The following SDK1 variants were observed in gnomAD, a reference collection of about 807,000 sequenced individuals.
The protein encoded by SDK1 is sidekick cell adhesion molecule 1.
SDK1 carries 157 observed loss-of-function variants against 245.5 expected under a neutral mutation model. The ratio of observed to expected loss-of-function variants is 0.64; its 90% CI spans 0.56 to 0.73. SDK1 has a LOEUF of 0.73. Among genes scored for constraint, SDK1 ranks in the 30% least tolerant of loss-of-function variants. The pLI is 0.00. For missense variants in SDK1, 3,583 were observed against 3,002.3 expected (o/e 1.19, Z -4.52); for synonymous variants, 1,647 against 1,278.5 (o/e 1.29, Z -6.15).
chr7:3,460,741 T>C (rs1447665756), intron 1 of SDK1, among the ~76,000 whole-genome samples: 5 of 152,250 alleles, frequency 3.3e-5, no homozygotes, highest in Middle Eastern at 3.4e-3. Flanking sequence ...TAAAAACTTA[T>C]TTTGGGGCTA....
At chr7:4,050,960 A>G (rs1789413811) in intron 18 of SDK1, among the ~76,000 whole-genome samples, 1 of 141,728 alleles carries the variant, frequency 7.1e-6, no homozygotes, top group Non-Finnish European at 1.5e-5. Flanking sequence ...TATTATATAT[A>G]CTATATATGT....
intron 1 of SDK1, among the ~76,000 whole-genome samples, chr7:3,392,151 G>A (rs182510884): frequency 1.1e-4 from 17 of 152,008 alleles, no homozygotes; most frequent in Admixed American, 3.3e-4. Context: ...GTAACTGAAC[G>A]CTTAAAACCT....
chr7:4,163,688 C>T (rs879263361), intron 32 of SDK1, among the ~76,000 whole-genome samples: 67 of 152,130 alleles, frequency 4.4e-4, no homozygotes, highest in African/African-American at 1.6e-3. Flanking sequence ...GTGAGCAGCG[C>T]CAGCCGCAGC....
intron 1 of SDK1, among the ~76,000 whole-genome samples, chr7:3,594,540 T>G (rs933848557): frequency 2.0e-5 from 3 of 152,186 alleles, no homozygotes; most frequent in Non-Finnish European, 4.4e-5. Context: ...ACCATTTCCA[T>G]TTTACATTGC....
chr7:4,030,115 C>T (rs1364655504), intron 17 of SDK1, among the ~76,000 whole-genome samples: 2 of 152,140 alleles, frequency 1.3e-5, no homozygotes, highest in Non-Finnish European at 1.5e-5. Flanking sequence ...GCATCGGCTC[C>T]GGGTGCCTGG....
intron 5 of SDK1, among the ~76,000 whole-genome samples, chr7:3,904,380 GAATAT>G (rs1048202743): frequency 1.9e-4 from 29 of 152,226 alleles, no homozygotes; most frequent in African/African-American, 6.0e-4. Context: ...ACAACCTGGT[GAATAT>G]AATATAATAT....
chr7:3,895,651 T>C (rs1398205118), intron 5 of SDK1, among the ~76,000 whole-genome samples: 1 of 84,216 alleles, frequency 1.2e-5, no homozygotes, highest in African/African-American at 6.3e-5. Context: ...TTCCTCTTCT[T>C]TTCAAGTTGC....
At chr7:3,810,507 T>TA (rs1160263569) in intron 4 of SDK1, among the ~76,000 whole-genome samples, 1 of 152,146 alleles carries the variant, frequency 6.6e-6, no homozygotes, top group Non-Finnish European at 1.5e-5. Flanking sequence ...AACAATTAGT[T>TA]AAAATAACAA....
chr7:3,611,995 G>T (rs1367911570), intron 1 of SDK1, among the ~76,000 whole-genome samples: 2 of 152,102 alleles, frequency 1.3e-5, no homozygotes, highest in Non-Finnish European at 2.9e-5. Context: ...AGTAACTGGG[G>T]AATGGAAAAC....
chr7:3,430,595 G>A (rs1024795025), intron 1 of SDK1, among the ~76,000 whole-genome samples: 5 of 152,186 alleles, frequency 3.3e-5, no homozygotes, highest in African/African-American at 1.2e-4. Context: ...CTATGTGACA[G>A]TCTCAGCTCA....
chr7:3,341,235 C>A (rs1011663632), intron 1 of SDK1, among the ~76,000 whole-genome samples: 2 of 152,164 alleles, frequency 1.3e-5, no homozygotes, highest in Non-Finnish European at 2.9e-5. Context: ...ATGCCACCCA[C>A]CATATCAACA....
intron 4 of SDK1, among the ~76,000 whole-genome samples, chr7:3,672,722 A>C (rs1221876608): frequency 7.8e-6 from 1 of 128,304 alleles, no homozygotes. Context: ...ATTTATATTA[A>C]ATAAAAATGT....
chr7:4,024,805 T>C (rs1401436442), intron 17 of SDK1, among the ~76,000 whole-genome samples: 1 of 152,234 alleles, frequency 6.6e-6, no homozygotes, highest in Non-Finnish European at 1.5e-5. Flanking sequence ...TCATCTGCCA[T>C]TACTACAGTT....
At chr7:3,591,868 A>T (rs1428734509) in intron 1 of SDK1, among the ~76,000 whole-genome samples, 1 of 152,226 alleles carries the variant, frequency 6.6e-6, no homozygotes, top group Non-Finnish European at 1.5e-5. Context: ...TGAGTGCATA[A>T]GGATCAGATA....
At chr7:4,066,316 C>A (rs1388561923) in intron 19 of SDK1, among the ~76,000 whole-genome samples, 1 of 152,176 alleles carries the variant, frequency 6.6e-6, no homozygotes, top group Non-Finnish European at 1.5e-5. Flanking sequence ...CCAACCCGGG[C>A]AGCTGTGTTT....
chr7:3,329,037 G>A (rs535801958), intron 1 of SDK1, among the ~76,000 whole-genome samples: 7 of 152,136 alleles, frequency 4.6e-5, no homozygotes, highest in Non-Finnish European at 2.9e-5. Context: ...GATGTTCACC[G>A]ATGCCGTTTA....
At chr7:4,056,390 A>C (rs1403634366) in intron 19 of SDK1, among the ~76,000 whole-genome samples, 1 of 152,164 alleles carries the variant, frequency 6.6e-6, no homozygotes. Context: ...GGCCTCCTTC[A>C]TAAAGAAGAA....
chr7:3,931,488 A>G (rs1583580676), intron 5 of SDK1, among the ~76,000 whole-genome samples: 1 of 152,250 alleles, frequency 6.6e-6, no homozygotes, highest in African/African-American at 2.4e-5. Flanking sequence ...TAAGTATTCA[A>G]CGTCCCAAAA....
At chr7:4,082,679 G>C (rs1781138548) in intron 22 of SDK1, among the ~76,000 whole-genome samples, 1 of 152,074 alleles carries the variant, frequency 6.6e-6, no homozygotes, top group South Asian at 2.1e-4. Context: ...GGAGTGAAGT[G>C]GTATGATCTC....
Sources: allele counts gnomAD v4.1 joint callset (sites outside exome capture counted in the v4.1 genomes callset), GRCh38; gene constraint gnomAD v4.1.1; transcripts MANE v1.5; gene names NCBI Gene and HGNC (gene_info 2026-07-23, HGNC 2026-07-21).